Variants in PSD3 observed in about 807,000 individuals in gnomAD.
The protein encoded by PSD3 is pleckstrin and Sec7 domain containing 3.
PSD3 carries 49 observed loss-of-function variants against 105.5 expected under a neutral mutation model. The observed-to-expected ratio is 0.46, with a 90% CI of 0.37 to 0.59. The LOEUF (loss-of-function observed/expected upper bound fraction) is 0.59, where lower values mean the gene tolerates loss of function less well. Ranked by LOEUF, PSD3 falls within the 20% of genes least tolerant of loss-of-function variation. The probability of loss-of-function intolerance (pLI) is 0.00; values close to 1 mark genes in which losing one functional copy is unlikely to be tolerated. For synonymous variants in PSD3, 557 were observed against 457.8 expected, an observed-to-expected ratio of 1.22 and a Z score of -2.77; for missense variants, 1,561 against 1,263.8, an observed-to-expected ratio of 1.24 and a Z score of -3.57.
chr8:18,663,083 C>T (rs1000543511), intron 9 of PSD3, among the ~76,000 whole-genome samples: 3 of 152,124 alleles, frequency 2.0e-5, no homozygotes, highest in Non-Finnish European at 4.4e-5. Context: ...ACTAACTAAA[C>T]ACACCTGCCA....
At chr8:18,664,335 A>T (rs1441462591) in intron 9 of PSD3, among the ~76,000 whole-genome samples, 1 of 152,250 alleles carries the variant, frequency 6.6e-6, no homozygotes, top group Non-Finnish European at 1.5e-5. Context: ...AGAGTGAAAC[A>T]GCTTTATTGC....
chr8:18,935,226 T>C (rs1281089399), intron 2 of PSD3, among the ~76,000 whole-genome samples: 1 of 152,234 alleles, frequency 6.6e-6, no homozygotes, highest in Non-Finnish European at 1.5e-5. Context: ...AAAATGTTGC[T>C]TCTAGTTCCA....
At chr8:18,754,688 C>T (rs1805877598) in intron 9 of PSD3, among the ~76,000 whole-genome samples, 1 of 152,082 alleles carries the variant, frequency 6.6e-6, no homozygotes, top group South Asian at 2.1e-4. Context: ...GTTATTAATA[C>T]ATGGACTCTG....
intron 9 of PSD3, among the ~76,000 whole-genome samples, chr8:18,688,334 C>T (rs933142113): frequency 2.6e-5 from 4 of 151,984 alleles, no homozygotes; most frequent in East Asian, 1.9e-4. Flanking sequence ...TGGTCTCAAG[C>T]GATACTCCTG....
intron 15 of PSD3, among the ~76,000 whole-genome samples, chr8:18,550,387 C>T (rs373245333): frequency 2.0e-4 from 30 of 152,170 alleles, no homozygotes; most frequent in African/African-American, 5.8e-4. Flanking sequence ...AGGATCATGT[C>T]TGTATTATTA....
intron 9 of PSD3, among the ~76,000 whole-genome samples, chr8:18,690,288 G>A (rs148102868): frequency 5.6e-4 from 85 of 152,224 alleles, no homozygotes; most frequent in African/African-American, 1.9e-3. Context: ...GCAACCTTTC[G>A]TTCTCTGAGT....
chr8:18,998,603 C>G (rs184929684), intron 1 of PSD3, among the ~76,000 whole-genome samples: 1 of 152,130 alleles, frequency 6.6e-6, no homozygotes, highest in East Asian at 1.9e-4. Context: ...AGAAGAATCG[C>G]TTGAACGCGG....
chr8:18,690,932 C>A (rs80340820), intron 9 of PSD3, among the ~76,000 whole-genome samples: 5,998 of 152,136 alleles, frequency 0.039, 261 homozygotes, highest in East Asian at 0.23. Flanking sequence ...TTTCCTTAGT[C>A]CATAAGACAT....
At chr8:18,750,859 GATTGGTGT>G (rs1278487210) in intron 9 of PSD3, among the ~76,000 whole-genome samples, 1 of 152,148 alleles carries the variant, frequency 6.6e-6, no homozygotes. Context: ...ACAGGGTGCT[GATTGGTGT>G]ATTTACAAAC....
At chr8:18,752,656 A>AT (rs1341143778) in intron 9 of PSD3, among the ~76,000 whole-genome samples, 1 of 105,802 alleles carries the variant, frequency 9.5e-6, no homozygotes, top group African/African-American at 3.7e-5. Context: ...TATATAATAT[A>AT]TTATATTTGA....
Position 18,572,618 on chromosome 8 carries a change from T to C in PSD3, c.2694A>G (p.Val898=), listed in dbSNP as rs764375575. The stretch of plus-strand genomic sequence containing the variant: ...CTGCTGGAAATGGTGGTGCAGAAAA[T>C]ACAGCTGCCACACAATTGATTTTGT... ...WINKINCVAA[V]FSAPPFPAAI... The change falls in exon 14 of 16, where the codon GTA becomes GTG. Residue 898 remains valine (V), a synonymous_variant. Transcript: ENST00000327040. The C allele has an allele frequency of 1.2e-6, 2 of 1,613,944 alleles. No individual in the cohort carries two copies. Among genetic ancestry groups the C allele is most frequent in the Non-Finnish European group, 1.7e-6 (2 of 1,179,956 alleles).
At chr8:18,563,420 T>G (rs1269722975) in intron 14 of PSD3, among the ~76,000 whole-genome samples, 2 of 152,104 alleles carry the variant, frequency 1.3e-5, no homozygotes. Flanking sequence ...AGACAGATGA[T>G]TTTCAGGGTA....
At chr8:18,716,922 G>C (rs968230398) in intron 9 of PSD3, among the ~76,000 whole-genome samples, 11 of 152,294 alleles carry the variant, frequency 7.2e-5, no homozygotes, top group African/African-American at 2.4e-4. Flanking sequence ...CTAAGACCAA[G>C]AGGAGTAGCC....
At chr8:18,745,264 T>C (rs1442534665) in intron 9 of PSD3, among the ~76,000 whole-genome samples, 2 of 152,336 alleles carry the variant, frequency 1.3e-5, no homozygotes, top group East Asian at 3.9e-4. Flanking sequence ...CTTCAATGGC[T>C]CTATCAACAA....
chr8:18,545,699 G>T (rs1021465474), intron 15 of PSD3, among the ~76,000 whole-genome samples: 1 of 152,184 alleles, frequency 6.6e-6, no homozygotes, highest in Non-Finnish European at 1.5e-5. Context: ...AGGGCACGTG[G>T]TTAATCTTTT....
chr8:18,910,910 G>T (rs562345034), intron 2 of PSD3, among the ~76,000 whole-genome samples: 1 of 150,228 alleles, frequency 6.7e-6, no homozygotes, highest in Non-Finnish European at 1.5e-5. Flanking sequence ...AACATAGCAA[G>T]ACTCTGTCTC....
intron 1 of PSD3, chr8:18,989,456 A>G (rs1020323269): frequency 4.6e-5 from 7 of 152,240 alleles, no homozygotes; most frequent in Non-Finnish European, 7.3e-5. Context: ...CATGTAGAAG[A>G]GCATCAAAGA....
In PSD3 at chr8:18,574,372, G is replaced by T. The variant is rs376741965; in HGVS notation, c.2639+756C>A. On this transcript the variant is annotated intron_variant, in intron 13 of 15. Transcript: ENST00000327040. ...GTTATTACATCTGGTATTTTTGATT[G>T]AAAAAATCAGGGAACAGAATAATTT... is the stretch of plus-strand genomic sequence containing the variant. Among the ~76,000 whole-genome samples, 11 of 152,162 alleles carry T rather than the reference G, an allele frequency of 7.2e-5. No individual in the cohort carries two copies. In the East Asian group the frequency reaches 2.1e-3, roughly 29 times the overall value.
At chr8:18,885,115 G>A (rs1331878259) in intron 2 of PSD3, among the ~76,000 whole-genome samples, 1 of 152,022 alleles carries the variant, frequency 6.6e-6, no homozygotes, top group African/African-American at 2.4e-5. Flanking sequence ...CATAACTTCT[G>A]GTTTTTTATA....
Sources: gnomAD v4.1 joint callset for allele counts (sites outside exome capture counted in the v4.1 genomes callset) on GRCh38, gnomAD v4.1.1 for gene constraint, MANE v1.5 for transcripts, NCBI Gene and HGNC (gene_info 2026-07-23, HGNC 2026-07-21) for gene names.